Variants in TMPO observed in about 807,000 individuals in gnomAD.
The protein encoded by TMPO is LEM domain containing 4.
Under a neutral mutation model 45.4 loss-of-function variants are expected in TMPO, and 22 were observed. That is an observed-to-expected ratio of 0.48 (90% CI 0.35 to 0.69). The LOEUF (loss-of-function observed/expected upper bound fraction) is 0.69, where lower values mean the gene tolerates loss of function less well. Ranked by LOEUF, TMPO falls within the 30% of genes least tolerant of loss-of-function variation. TMPO has a pLI of 0.01. For missense variants in TMPO, 512 were observed against 548.8 expected (o/e 0.93, Z 0.67); for synonymous variants, 241 against 204.1 (o/e 1.18, Z -1.54).
chr12:98,532,632 ATTAT>A (rs1444749036), intron 3 of TMPO, among the ~76,000 whole-genome samples: 4 of 152,110 alleles, frequency 2.6e-5, no homozygotes, highest in African/African-American at 4.8e-5. Flanking sequence ...ATGACTTGTG[ATTAT>A]TTATTTTGAT....
chr12:98,521,302 C>T (rs1167543012), intron 1 of TMPO, among the ~76,000 whole-genome samples: 2 of 148,926 alleles, frequency 1.3e-5, no homozygotes, highest in East Asian at 2.0e-4. Context: ...TTAGTAGAGA[C>T]GGAGTTTCAC....
intron 2 of TMPO, among the ~76,000 whole-genome samples, chr12:98,530,941 A>G (rs1343603606): frequency 6.6e-6 from 1 of 152,214 alleles, no homozygotes. Flanking sequence ...AAGAAATGTC[A>G]TTTCCCAAAA....
chr12:98,539,471 C>CTTTTTT (rs398039980), intron 4 of TMPO, among the ~76,000 whole-genome samples: 42 of 123,464 alleles, frequency 3.4e-4, no homozygotes, highest in African/African-American at 7.5e-4. Flanking sequence ...TTTTAAATTA[C>CTTTTTT]TTTTTTTTTT....
intron 1 of TMPO, among the ~76,000 whole-genome samples, chr12:98,517,426 C>T (rs1349101214): frequency 6.6e-6 from 1 of 152,170 alleles, no homozygotes; most frequent in Non-Finnish European, 1.5e-5. Context: ...ATTGGTGTAA[C>T]ATAAAATGCC....
In TMPO at chr12:98,548,897, G is replaced by A. The variant is rs1878373806; in HGVS notation, c.*1039G>A. 6.6e-6 allele frequency: 1 copy of A among 152,236 alleles called. No individual in the cohort carries two copies. The highest frequency in any genetic ancestry group is 2.1e-4 in the South Asian group (1 of 4,834). The allele number at this position is 152,236 out of a possible 1,614,324, so 9.4% of individuals were successfully genotyped here. A position where few individuals can be genotyped will look rare whatever the true frequency, so the allele number is the denominator to read the frequency against. On this transcript the variant is annotated 3_prime_UTR_variant, in exon 9 of 9. Coordinates refer to ENST00000556029, the MANE Select transcript of TMPO (RefSeq NM_001032283.3). ...GCACTTTGGGAGGCCAGGGCGGGTG[G>A]ATCACGAGGTCAAGAGATCAAGACC... is the stretch of plus-strand genomic sequence containing the variant.
rs1878339702 is a variant in TMPO at position 98,548,225 on chromosome 12, T to C, written c.*367T>C. 6.0e-6 allele frequency: 1 copy of C among 166,092 alleles called. No individual in the cohort carries two copies. Among genetic ancestry groups the C allele is most frequent in the African/African-American group, 2.4e-5 (1 of 41,658 alleles). The allele number at this position is 166,092 out of a possible 1,614,324, so 10.3% of individuals were successfully genotyped here. Reference sequence around the variant, plus strand: ...TATAATGTGAAGCTACACATTTAAATACTTAGAATTCTTACAGAAAAGATT... The same window carrying C: ...TATAATGTGAAGCTACACATTTAAACACTTAGAATTCTTACAGAAAAGATT... On this transcript the variant is annotated 3_prime_UTR_variant, in exon 9 of 9. Transcript: ENST00000556029.
chr12:98,533,370 G>A lies in TMPO; in HGVS notation c.565+1532G>A, dbSNP rs1336852045. Reference sequence around the variant, plus strand: ...CTGAGAGCTCACAACTAATTTCTCCGCCACTTGCCCAGGCAATCAGAGATT... The same window carrying A: ...CTGAGAGCTCACAACTAATTTCTCCACCACTTGCCCAGGCAATCAGAGATT... On this transcript the variant is annotated intron_variant, in intron 3 of 8. Coordinates refer to ENST00000556029, the MANE Select transcript of TMPO (RefSeq NM_001032283.3). 9.3e-6 allele frequency: 15 copies of A among 1,614,064 alleles called. No individual in the cohort carries two copies. The highest frequency in any genetic ancestry group is 2.2e-5 in the East Asian group (1 of 44,904).
At chr12:98,535,591 G>A in intron 3 of TMPO, 3 of 985,356 alleles carry the variant, frequency 3.0e-6, no homozygotes, top group Non-Finnish European at 3.6e-6. Context: ...TATTACTGTA[G>A]AATGCTTCTG....
chr12:98,539,632 C>T (rs1877794904), intron 4 of TMPO, among the ~76,000 whole-genome samples: 1 of 152,056 alleles, frequency 6.6e-6, no homozygotes, highest in South Asian at 2.1e-4. Flanking sequence ...CGCCACCATG[C>T]CCAGCTAGTT....
chr12:98,520,903 ATCT>A (rs1032353518), intron 1 of TMPO, among the ~76,000 whole-genome samples: 3 of 152,032 alleles, frequency 2.0e-5, no homozygotes, highest in Non-Finnish European at 2.9e-5. Context: ...AATATTTATA[ATCT>A]TCTGCATAAT....
intron 4 of TMPO, chr12:98,537,804 G>C: frequency 1.7e-6 from 1 of 600,504 alleles, no homozygotes; most frequent in Non-Finnish European, 3.0e-6. Context: ...GTCTGTGCTA[G>C]ATGTAGTTCA....
rs549949772 is a variant in TMPO, at chr12:98,544,210, A to C, written c.664-20A>C. 24 of 1,613,198 alleles carry C rather than the reference A, an allele frequency of 1.5e-5. No homozygotes were observed. In the South Asian group the frequency reaches 2.4e-4, roughly 16 times the overall value. On this transcript the variant is annotated intron_variant, in intron 4 of 8. Coordinates refer to ENST00000556029, the MANE Select transcript of TMPO (RefSeq NM_001032283.3). ...TTTGATGTTAGAATATGACTTTTTAATGTGTTGATGCTTGAATAGAGCTAT... is the reference window on the plus strand; with the variant it reads ...TTTGATGTTAGAATATGACTTTTTACTGTGTTGATGCTTGAATAGAGCTAT...
chr12:98,544,141 A>T, intron 4 of TMPO, 89 bp from the exon 5 acceptor site: 1 of 1,461,376 alleles, frequency 6.8e-7, no homozygotes, highest in Non-Finnish European at 9.5e-7. Flanking sequence ...GGAGACTTCT[A>T]TTTCATGGCT....
chr12:98,534,872 G>GA, intron 3 of TMPO: 1 of 988,678 alleles, frequency 1.0e-6, no homozygotes, highest in Non-Finnish European at 1.2e-6. Flanking sequence ...AATCATAGTA[G>GA]TCTAGATCAA....
rs773959929 is a variant in TMPO at position 98,544,367 on chromosome 12, C to T, written c.783+18C>T. On this transcript the variant is annotated intron_variant, in intron 5 of 8. Coordinates refer to ENST00000556029, the MANE Select transcript of TMPO (RefSeq NM_001032283.3). ...GGAAAAGGGTGATGCAAGGCTTATTCCTTGGGTTTTCAGATTTGTAGGGTT... is the reference window on the plus strand; with the variant it reads ...GGAAAAGGGTGATGCAAGGCTTATTTCTTGGGTTTTCAGATTTGTAGGGTT... The T allele has an allele frequency of 8.7e-6, 14 of 1,613,630 alleles. No homozygotes were observed. The highest frequency in any genetic ancestry group is 1.2e-5 in the Non-Finnish European group (14 of 1,179,824).
chr12:98,521,100 A>ATTTTTTTTTTTTTTTTTTTTTTTTTTTT (rs398044704), intron 1 of TMPO, among the ~76,000 whole-genome samples: 5 of 76,772 alleles, frequency 6.5e-5, no homozygotes, highest in African/African-American at 2.2e-4. Context: ...TTTATGAGGA[A>ATTTTTTTTTTTTTTTTTTTTTTTTTTTT]TTTTTTTTTT....
intron 3 of TMPO, chr12:98,534,706 C>T: frequency 9.5e-7 from 1 of 1,056,944 alleles, no homozygotes; most frequent in Non-Finnish European, 1.1e-6. Flanking sequence ...CTCCTTTATA[C>T]CTAGGACAGA....
intron 1 of TMPO, among the ~76,000 whole-genome samples, chr12:98,522,488 TA>T (rs1409428216): frequency 6.6e-6 from 1 of 152,228 alleles, no homozygotes; most frequent in Non-Finnish European, 1.5e-5. Context: ...GTCTGCCACT[TA>T]TTCATATGAC....
intron 6 of TMPO, 170 bp downstream of exon 6, chr12:98,544,707 TATC>T: frequency 1.5e-6 from 1 of 655,738 alleles, no homozygotes; most frequent in Non-Finnish European, 2.6e-6. Flanking sequence ...TTTCCTATAA[TATC>T]CAATTTATGT....
Sources: allele counts gnomAD v4.1 joint callset (sites outside exome capture counted in the v4.1 genomes callset), GRCh38; gene constraint gnomAD v4.1.1; transcripts MANE v1.5; gene names NCBI Gene and HGNC (gene_info 2026-07-23, HGNC 2026-07-21).